Variants in TRPV1 observed in about 807,000 individuals in gnomAD.
The protein encoded by TRPV1 is OTRPC1.
In TRPV1, 82 loss-of-function variants were observed where a neutral mutation model predicts 82.3. The observed-to-expected ratio is 1.00, with a 90% CI of 0.83 to 1.20. The LOEUF (loss-of-function observed/expected upper bound fraction) is 1.20. Ranked by LOEUF, TRPV1 falls within the 50% of genes most tolerant of loss-of-function variation. TRPV1 has a pLI of 0.00. For synonymous variants in TRPV1, 515 were observed against 467.7 expected, an observed-to-expected ratio of 1.10 and a Z score of -1.30; for missense variants, 1,067 against 1,096.8, an observed-to-expected ratio of 0.97 and a Z score of 0.38.
chr17:3,580,299 T>G (rs2074989278), intron 11 of TRPV1, among the ~76,000 whole-genome samples, 158 bp downstream of exon 11: 2 of 152,162 alleles, frequency 1.3e-5, no homozygotes, highest in Admixed American at 1.3e-4. Flanking sequence ...TCAGTATTCA[T>G]TCATCCCCCG....
At chr17:3,600,587 T>TA (rs112815307) in intron 2 of TRPV1, among the ~76,000 whole-genome samples, 7 of 151,814 alleles carry the variant, frequency 4.6e-5, no homozygotes, top group African/African-American at 9.7e-5. Context: ...AGACTCCATT[T>TA]AAAAAAAACA....
chr17:3,587,299 C>T (rs371061885), intron 8 of TRPV1, among the ~76,000 whole-genome samples: 5 of 152,266 alleles, frequency 3.3e-5, no homozygotes, highest in South Asian at 2.1e-4. Context: ...CTCCTGTAAA[C>T]GCAACCTCTG....
intron 12 of TRPV1, among the ~76,000 whole-genome samples, 199 bp from the exon 13 acceptor site, chr17:3,577,391 G>T (rs1034540420): frequency 4.6e-5 from 7 of 152,222 alleles, no homozygotes; most frequent in Non-Finnish European, 8.8e-5. Flanking sequence ...TGGAGGCCTG[G>T]TGTGCAGGGG....
intron 16 of TRPV1, among the ~76,000 whole-genome samples, chr17:3,567,612 C>G (rs1482134072): frequency 1.1e-4 from 17 of 151,842 alleles, no homozygotes; most frequent in Admixed American, 1.1e-3. Flanking sequence ...CCTCCCTGCC[C>G]CAGCGGGAGG....
intron 1 of TRPV1, chr17:3,608,846 A>T (rs1422553675): frequency 6.6e-6 from 1 of 152,200 alleles, no homozygotes; most frequent in Non-Finnish European, 1.5e-5. Flanking sequence ...GTCTTCCCAC[A>T]GCAGAGAGGT....
intron 12 of TRPV1, 86 bp from the exon 13 acceptor site, chr17:3,577,278 C>T (rs1365775493): frequency 4.7e-5 from 67 of 1,424,598 alleles, no homozygotes; most frequent in South Asian, 2.4e-4. Context: ...CCTGGGGATG[C>T]GTCTTGAGAA....
In TRPV1 at chr17:3,573,875, A is replaced by G. The variant is rs200734379; in HGVS notation, c.1861T>C (p.Cys621Arg). ...TTGTAGGAGCTATCGGGGGGCCTGC[A>G]GGCAGGCCCCCGCCACCTGTGCGAC... ...STSHRWRGPA[C>R]RPPDSSYNSL... Residue 621 changes from cysteine to arginine, a missense_variant, in exon 14 of 17, where the codon TGC becomes CGC. Transcript: ENST00000572705. 32 of 1,601,298 alleles carry G rather than the reference A, an allele frequency of 2.0e-5. No homozygotes were observed. The highest frequency in any genetic ancestry group is 2.7e-5 in the Non-Finnish European group (32 of 1,174,136).
At chr17:3,568,238 C>G (rs575276459) in intron 16 of TRPV1, among the ~76,000 whole-genome samples, 1 of 150,300 alleles carries the variant, frequency 6.7e-6, no homozygotes, top group Non-Finnish European at 1.5e-5. Flanking sequence ...AGGAGAATGG[C>G]GTGAACCCGG....
rs561033848 is a variant in TRPV1, at chr17:3,577,956, T to C, written c.1548-193A>G. The C allele has an allele frequency of 5.4e-4, 313 of 581,350 alleles. 2 individuals carry two copies. The Middle Eastern group carries it at 5.5e-3, about 10-fold the overall frequency. 36.0% of individuals were successfully genotyped at this position (581,350 alleles called of 1,614,324 possible). The stretch of plus-strand genomic sequence containing the variant: ...TCGTCCCCAAGGAGCAGAAATTGGC[T>C]TGGTGAGGAGCTGTGCAAAATCTCA... On this transcript the variant is annotated intron_variant, in intron 11 of 16. Transcript: ENST00000572705.
intron 2 of TRPV1, among the ~76,000 whole-genome samples, chr17:3,596,291 C>G (rs973030202): frequency 7.2e-5 from 10 of 138,980 alleles, no homozygotes; most frequent in Non-Finnish European, 1.3e-4. Flanking sequence ...TCTCTCTGCC[C>G]AAAGCATCCA....
chr17:3,585,472 T>G, intron 9 of TRPV1: 1 of 330,664 alleles, frequency 3.0e-6, no homozygotes, highest in Non-Finnish European at 5.7e-6. Context: ...TCTAACCGAG[T>G]ACACCCCGTC....
intron 2 of TRPV1, among the ~76,000 whole-genome samples, chr17:3,598,127 G>A (rs993627517): frequency 3.3e-5 from 5 of 152,238 alleles, no homozygotes; most frequent in Non-Finnish European, 5.9e-5. Context: ...AAAACAGTGA[G>A]GTCTAGGTAT....
intron 2 of TRPV1, among the ~76,000 whole-genome samples, chr17:3,600,574 G>A (rs2075253468): frequency 6.6e-6 from 1 of 151,890 alleles, no homozygotes. Context: ...GGGCTACAGA[G>A]CGAGACTCCA....
chr17:3,583,590 A>G (rs927487281), intron 9 of TRPV1, among the ~76,000 whole-genome samples, 160 bp from the exon 10 acceptor site: 3 of 152,370 alleles, frequency 2.0e-5, no homozygotes, highest in Admixed American at 2.0e-4. Flanking sequence ...GCCCGCAAGG[A>G]GGCCCCTCTG....
intron 2 of TRPV1, among the ~76,000 whole-genome samples, chr17:3,596,014 T>C (rs1441391594): frequency 6.6e-6 from 1 of 152,166 alleles, no homozygotes; most frequent in Admixed American, 6.6e-5. Context: ...CATTCTACAG[T>C]GATCAGGGGA....
intron 2 of TRPV1, among the ~76,000 whole-genome samples, chr17:3,602,632 C>T (rs1567677079): frequency 1.3e-5 from 2 of 152,164 alleles, no homozygotes; most frequent in African/African-American, 2.4e-5. Context: ...TCTGCGGACG[C>T]GCCAGCCAGC....
chr17:3,599,618 CCTTT>C (rs1425038159), intron 2 of TRPV1, among the ~76,000 whole-genome samples: 2 of 148,064 alleles, frequency 1.4e-5, no homozygotes, highest in African/African-American at 2.5e-5. Context: ...AAGAGAATTT[CCTTT>C]TTTTCTTTTC....
intron 13 of TRPV1, among the ~76,000 whole-genome samples, 169 bp downstream of exon 13, chr17:3,576,957 T>C (rs924607340): frequency 7.2e-5 from 11 of 151,792 alleles, no homozygotes; most frequent in Non-Finnish European, 4.4e-5. Flanking sequence ...ATATAACACG[T>C]GGCCAAGTCC....
intron 11 of TRPV1, 131 bp downstream of exon 11, chr17:3,580,326 C>T (rs2074989815): frequency 2.2e-6 from 2 of 919,976 alleles, no homozygotes; most frequent in Admixed American, 3.6e-5. Flanking sequence ...TATTCAGTGC[C>T]TTCCGTCATT....
Sources: allele counts gnomAD v4.1 joint callset (sites outside exome capture counted in the v4.1 genomes callset), GRCh38; gene constraint gnomAD v4.1.1; transcripts MANE v1.5; gene names NCBI Gene and HGNC (gene_info 2026-07-23, HGNC 2026-07-21).